Variants in ADAMTS9 observed in about 807,000 individuals in gnomAD.
ADAMTS9 encodes the protein ADAM metallopeptidase with thrombospondin type 1 motif 9, also known as A disintegrin and metalloproteinase with thrombospondin motifs 9.
In ADAMTS9, 107 loss-of-function variants were observed where a neutral mutation model predicts 257.1. The ratio of observed to expected loss-of-function variants is 0.42; its 90% CI spans 0.36 to 0.49. The LOEUF (loss-of-function observed/expected upper bound fraction) is 0.49. Ranked by LOEUF, ADAMTS9 falls within the 20% of genes least tolerant of loss-of-function variation. The pLI, the probability that ADAMTS9 is intolerant of heterozygous loss-of-function variation, is 0.03. For synonymous variants in ADAMTS9, 982 were observed against 880.9 expected (o/e 1.11, Z -2.03); for missense variants, 2,353 against 2,469.1 (o/e 0.95, Z 1.00).
chr3:64,585,351 G>A (rs2084120140), intron 28 of ADAMTS9, among the ~76,000 whole-genome samples: 1 of 152,150 alleles, frequency 6.6e-6, no homozygotes. Context: ...TACAGAGGTA[G>A]TTGTGAGAAT....
chr3:64,611,000 C>T (rs1411677503), intron 22 of ADAMTS9, among the ~76,000 whole-genome samples: 1 of 147,596 alleles, frequency 6.8e-6, no homozygotes, highest in Non-Finnish European at 1.5e-5. Flanking sequence ...CGCTTGAACC[C>T]AGGAGGCAGA....
In ADAMTS9 at chr3:64,633,272, C is replaced by G. The variant is rs569369115; in HGVS notation, c.2175+200G>C. ...TGAAAATGTCAAGAAAAATCCAGGG[C>G]AACGGCTCCCAAACTTTGGCACTAC... On this transcript the variant is annotated intron_variant, in intron 14 of 39. Transcript: ENST00000498707. 3.9e-5 allele frequency among the ~76,000 whole-genome samples: 6 copies of G among 152,230 alleles called. No homozygotes were observed. The South Asian group carries it at 1.2e-3, about 32-fold the overall frequency.
chr3:64,612,022 A>C (rs1393840310), intron 22 of ADAMTS9, among the ~76,000 whole-genome samples: 1 of 152,250 alleles, frequency 6.6e-6, no homozygotes, highest in Non-Finnish European at 1.5e-5. Flanking sequence ...AATTTAAAAA[A>C]TATTAGAAGC....
At chr3:64,518,902 C>T (rs913857878) in intron 39 of ADAMTS9, among the ~76,000 whole-genome samples, 1 of 151,258 alleles carries the variant, frequency 6.6e-6, no homozygotes, top group Non-Finnish European at 1.5e-5. Context: ...CTCAGGCTCC[C>T]AAGTAGCTAG....
At chr3:64,613,823 C>T (rs1190703277) in intron 21 of ADAMTS9, among the ~76,000 whole-genome samples, 1 of 152,114 alleles carries the variant, frequency 6.6e-6, no homozygotes, top group Non-Finnish European at 1.5e-5. Flanking sequence ...TAAATCACAT[C>T]AACCTAAGTT....
chr3:64,640,797 G>A (rs1700617133), intron 12 of ADAMTS9, among the ~76,000 whole-genome samples: 1 of 152,140 alleles, frequency 6.6e-6, no homozygotes, highest in Non-Finnish European at 1.5e-5. Flanking sequence ...TTATAATGAA[G>A]ATAGCAATTT....
At chr3:64,653,770 A>T (rs1422430549) in intron 8 of ADAMTS9, among the ~76,000 whole-genome samples, 1 of 152,222 alleles carries the variant, frequency 6.6e-6, no homozygotes, top group African/African-American at 2.4e-5. Context: ...TCTCTAAAAA[A>T]CAAAAGGGAA....
intron 30 of ADAMTS9, among the ~76,000 whole-genome samples, chr3:64,556,714 TTTCCTTCC>T (rs59682586): frequency 0.032 from 4,465 of 138,180 alleles, 229 homozygotes; most frequent in East Asian, 0.17. Context: ...TCTATGTTTT[TTTCCTTCC>T]TTCCTTCCTT....
chr3:64,609,601 A>G (rs1409810345), intron 22 of ADAMTS9, among the ~76,000 whole-genome samples: 1 of 152,172 alleles, frequency 6.6e-6, no homozygotes, highest in Non-Finnish European at 1.5e-5. Flanking sequence ...CTACACTAAA[A>G]ACTATAAAAC....
chr3:64,648,073 G>A, intron 10 of ADAMTS9, 29 bp from the exon 11 acceptor site: 1 of 1,578,682 alleles, frequency 6.3e-7, no homozygotes, highest in Admixed American at 1.7e-5. Context: ...TGGCAATTGA[G>A]TGACAAGTGA....
intron 11 of ADAMTS9, among the ~76,000 whole-genome samples, chr3:64,647,022 G>C (rs1700811257): frequency 6.6e-6 from 1 of 151,994 alleles, no homozygotes. Context: ...ATTCTATAAG[G>C]TAAAGCGGAG....
Position 64,594,579 on chromosome 3 carries a change from T to C in ADAMTS9, c.4180-145A>G, listed in dbSNP as rs1474708704. The C allele has an allele frequency of 8.7e-6, 8 of 916,264 alleles. No homozygotes were observed. In the Admixed American group the frequency reaches 1.5e-4, roughly 18 times the overall value. The allele number at this position is 916,264 out of a possible 1,614,324, so 56.8% of individuals were successfully genotyped here. ...AGATGGAACCAAGGTGAATTACCAA[T>C]AGTGATACGTAAAACAGACCAAGAC... On this transcript the variant is annotated intron_variant, in intron 27 of 39. Coordinates refer to ENST00000498707, the MANE Select transcript of ADAMTS9 (RefSeq NM_182920.2).
At chr3:64,670,506 G>A (rs1220347464) in intron 3 of ADAMTS9, among the ~76,000 whole-genome samples, 1 of 152,152 alleles carries the variant, frequency 6.6e-6, no homozygotes, top group East Asian at 1.9e-4. Context: ...AATCTACGGT[G>A]CATGAAGTAT....
At chr3:64,618,991 T>C (rs954402531) in intron 19 of ADAMTS9, among the ~76,000 whole-genome samples, 12 of 152,200 alleles carry the variant, frequency 7.9e-5, no homozygotes, top group Admixed American at 7.2e-4. Context: ...CTTTGGAATC[T>C]GCTCAAAGTG....
At chr3:64,578,729 G>C (rs2083920320) in intron 28 of ADAMTS9, among the ~76,000 whole-genome samples, 1 of 152,140 alleles carries the variant, frequency 6.6e-6, no homozygotes, top group Admixed American at 6.5e-5. Context: ...TTTAATCGGT[G>C]GCAACTCCAT....
At chr3:64,624,675 A>T (rs1289206206) in intron 16 of ADAMTS9, among the ~76,000 whole-genome samples, 1 of 152,240 alleles carries the variant, frequency 6.6e-6, no homozygotes, top group African/African-American at 2.4e-5. Context: ...CTTTGCTATT[A>T]TGTGACTTGA....
At chr3:64,614,671 T>A (rs1447591430) in intron 21 of ADAMTS9, among the ~76,000 whole-genome samples, 2 of 152,126 alleles carry the variant, frequency 1.3e-5, no homozygotes, top group East Asian at 3.9e-4. Context: ...GCTGTGTTAA[T>A]AGTGAGTGCT....
intron 2 of ADAMTS9, among the ~76,000 whole-genome samples, chr3:64,685,561 C>T (rs1374521398): frequency 1.3e-5 from 2 of 152,184 alleles, no homozygotes; most frequent in African/African-American, 4.8e-5. Context: ...AGAACCGTAC[C>T]GCAGCGACTC....
chr3:64,633,967 T>C, intron 12 of ADAMTS9, 88 bp from the exon 13 acceptor site: 1 of 1,245,464 alleles, frequency 8.0e-7, no homozygotes, highest in Non-Finnish European at 1.1e-6. Flanking sequence ...CTTCCTGTCT[T>C]CTAGAGAAGT....
Sources: allele counts gnomAD v4.1 joint callset (sites outside exome capture counted in the v4.1 genomes callset), GRCh38; gene constraint gnomAD v4.1.1; transcripts MANE v1.5; gene names NCBI Gene and HGNC (gene_info 2026-07-23, HGNC 2026-07-21).